The following SDAD1 variants were observed in gnomAD, a reference collection of about 807,000 sequenced individuals.
SDAD1 encodes the protein SDA1 domain containing 1.
Under a neutral mutation model 100.3 loss-of-function variants are expected in SDAD1, and 79 were observed. The ratio of observed to expected loss-of-function variants is 0.79; its 90% CI spans 0.66 to 0.95. The LOEUF (loss-of-function observed/expected upper bound fraction) is 0.95. Among genes scored for constraint, SDAD1 ranks in the 40% least tolerant of loss-of-function variants. The probability of loss-of-function intolerance (pLI) is 0.00; values close to 1 mark genes in which losing one functional copy is unlikely to be tolerated. For missense variants in SDAD1, 790 were observed against 810.9 expected (o/e 0.97, Z 0.31); for synonymous variants, 267 against 271.4 (o/e 0.98, Z 0.16).
intron 1 of SDAD1, among the ~76,000 whole-genome samples, chr4:75,984,778 A>AAAACACACACACACACACAAACAC (rs1730780809): frequency 7.3e-6 from 1 of 136,928 alleles, no homozygotes; most frequent in Non-Finnish European, 1.6e-5. Context: ...CACACACACA[A>AAAACACACACACACACACAAACAC]ACACACACAC....
chr4:75,952,011 T>C (rs1181105333), intron 21 of SDAD1, among the ~76,000 whole-genome samples: 1 of 152,232 alleles, frequency 6.6e-6, no homozygotes, highest in East Asian at 1.9e-4. Flanking sequence ...GATTTTATGA[T>C]TTCCAGTTGA....
At chr4:75,982,826 G>A (rs1730619744) in intron 1 of SDAD1, among the ~76,000 whole-genome samples, 1 of 144,688 alleles carries the variant, frequency 6.9e-6, no homozygotes, top group Non-Finnish European at 1.5e-5. Context: ...TTTAAGTTCT[G>A]GTATACATGT....
Position 75,972,290 on chromosome 4 carries a change from T to C in SDAD1, c.712-832A>G, listed in dbSNP as rs142362492. Among the ~76,000 whole-genome samples the C allele has an allele frequency of 3.2e-3, 481 of 152,126 alleles. 5 individuals carry two copies. The highest frequency in any genetic ancestry group is 0.011 in the African/African-American group (457 of 41,492). On this transcript the variant is annotated intron_variant, in intron 8 of 21. Transcript: ENST00000356260. ...GACAACCCGCTTGGGTCCCTTTCCATGCTGTGGAAGCTTTGTTCTTTCATT... is the reference window on the plus strand; with the variant it reads ...GACAACCCGCTTGGGTCCCTTTCCACGCTGTGGAAGCTTTGTTCTTTCATT...
rs1730653311 is a variant in SDAD1, at chr4:75,983,207, GT to G, written c.91-1171del. On this transcript the variant is annotated intron_variant, in intron 1 of 21. Coordinates refer to ENST00000356260, the MANE Select transcript of SDAD1 (RefSeq NM_018115.4). Reference sequence around the variant, plus strand: ...TAGTCTATCATTGATGGGCATTTGGGTTGGTTCAAAGTCTTTGCTATTGTGA... The same window carrying G: ...TAGTCTATCATTGATGGGCATTTGGGTGGTTCAAAGTCTTTGCTATTGTGA... Among the ~76,000 whole-genome samples the G allele has an allele frequency of 2.6e-5, 4 of 152,158 alleles. No homozygotes were observed. In the South Asian group the frequency reaches 8.3e-4, roughly 32 times the overall value.
chr4:75,983,159 A>G (rs1372265734), intron 1 of SDAD1, among the ~76,000 whole-genome samples: 1 of 152,126 alleles, frequency 6.6e-6, no homozygotes, highest in Non-Finnish European at 1.5e-5. Context: ...TCCATGGTAT[A>G]TATGTGCCAT....
Position 75,957,619 on chromosome 4 carries a change from G to C in SDAD1, c.1668C>G (p.Phe556Leu). 1 of 1,614,166 alleles carries C rather than the reference G, an allele frequency of 6.2e-7. No individual in the cohort carries two copies. ...TCATTTGGGCCATGCGGATTTTCTG[G>C]AAGTCTTCCTGAGTTAAAACTCGGC... ...STSRVLTQED[F>L]QKIRMAQMRK... Residue 556 changes from phenylalanine (F) to leucine (L), a missense_variant, in exon 19 of 22, where the codon TTC becomes TTG. Physicochemically the swap from Phe to Leu is conservative, Grantham distance 22. Transcript: ENST00000356260.
In SDAD1 at chr4:75,971,720, T is replaced by C. The variant is rs145611086; in HGVS notation, c.712-262A>G. ...ACTGTGTCTCTACTAAAAATACAAA[T>C]ACTTAGCTGGGCTTGGTGGTGCACA... On this transcript the variant is annotated intron_variant, in intron 8 of 21. Transcript: ENST00000356260. Among the ~76,000 whole-genome samples the C allele has an allele frequency of 1.8e-3, 279 of 151,912 alleles. 4 individuals carry two copies. The highest frequency in any genetic ancestry group is 6.6e-3 in the African/African-American group (273 of 41,432).
At chr4:75,982,783 C>T (rs1183643927) in intron 1 of SDAD1, among the ~76,000 whole-genome samples, 1 of 151,638 alleles carries the variant, frequency 6.6e-6, no homozygotes, top group Admixed American at 6.6e-5. Flanking sequence ...AAATCCCACC[C>T]CCCCACTGCC....
At chr4:75,976,052 C>CT in intron 4 of SDAD1, 57 bp from the exon 5 acceptor site, 1 of 1,126,592 alleles carries the variant, frequency 8.9e-7, no homozygotes, top group Non-Finnish European at 1.3e-6. Flanking sequence ...TTTAACCTTG[C>CT]TAAATTTGGA....
chr4:75,982,970 T>G (rs1286309536), intron 1 of SDAD1, among the ~76,000 whole-genome samples: 1 of 140,976 alleles, frequency 7.1e-6, no homozygotes, highest in Admixed American at 7.2e-5. Context: ...CAGGCCCCAA[T>G]GTGTGATGTT....
chr4:75,972,379 C>T (rs1346244282), intron 8 of SDAD1, among the ~76,000 whole-genome samples: 1 of 150,720 alleles, frequency 6.6e-6, no homozygotes, highest in South Asian at 2.1e-4. Context: ...AGCTGTAATA[C>T]TCACAGTGAA....
intron 21 of SDAD1, among the ~76,000 whole-genome samples, chr4:75,952,069 A>G (rs1257374739): frequency 2.0e-5 from 3 of 152,196 alleles, no homozygotes; most frequent in Non-Finnish European, 4.4e-5. Context: ...CTTTGCAGAA[A>G]AGCAGAAGAG....
intron 10 of SDAD1, among the ~76,000 whole-genome samples, chr4:75,969,834 C>A (rs1468716417): frequency 6.6e-6 from 1 of 152,128 alleles, no homozygotes; most frequent in African/African-American, 2.4e-5. Flanking sequence ...CCCAGCTACA[C>A]CCCATACCAA....
intron 7 of SDAD1, 96 bp downstream of exon 7, chr4:75,973,980 G>A (rs1024447323): frequency 3.0e-6 from 3 of 991,562 alleles, no homozygotes; most frequent in African/African-American, 3.2e-5. Flanking sequence ...CTGGTGTGCA[G>A]GCATGCAGTT....
In SDAD1 at chr4:75,957,932, T is replaced by A; in HGVS notation, c.1493A>T (p.Glu498Val). The stretch of plus-strand genomic sequence containing the variant: ...CTCCTCCTCACTGAGACTGGTACTT[T>A]CCCATCCATCTGCGTGAAAAAAGCA... ...ENAENDEDGW[E>V]STSLSEEEDA... is the part of the protein sequence containing the mutation. The change falls in exon 18 of 22, where the codon GAA becomes GTA. Residue 498 changes from glutamate (E) to valine (V), a missense_variant. Physicochemically the swap from Glu to Val is moderately radical, Grantham distance 121. Transcript: ENST00000356260. 6.2e-7 allele frequency: 1 copy of A among 1,612,648 alleles called. No homozygotes were observed. Among genetic ancestry groups the A allele is most frequent in the South Asian group, 1.1e-5 (1 of 91,010 alleles).
intron 21 of SDAD1, among the ~76,000 whole-genome samples, chr4:75,951,583 T>C (rs1266110999): frequency 6.6e-6 from 1 of 152,160 alleles, no homozygotes; most frequent in Non-Finnish European, 1.5e-5. Context: ...TAGGCTTTCA[T>C]CTCCTGGAGT....
intron 14 of SDAD1, 34 bp from the exon 15 acceptor site, chr4:75,961,342 G>T (rs776149205): frequency 4.0e-6 from 6 of 1,483,536 alleles, no homozygotes; most frequent in Non-Finnish European, 5.6e-6. Flanking sequence ...AAAAGAGCCC[G>T]AATAGCAATT....
At chr4:75,965,079 C>T (rs1282255704) in intron 13 of SDAD1, among the ~76,000 whole-genome samples, 1 of 152,154 alleles carries the variant, frequency 6.6e-6, no homozygotes, top group Non-Finnish European at 1.5e-5. Flanking sequence ...TATTTCTCTT[C>T]TTTCAAAAGC....
At chr4:75,963,874 G>A (rs1729390129) in intron 14 of SDAD1, among the ~76,000 whole-genome samples, 3 of 152,138 alleles carry the variant, frequency 2.0e-5, no homozygotes, top group African/African-American at 7.2e-5. Flanking sequence ...CACTTAGTTT[G>A]CTAATCAATT....
Sources: gnomAD v4.1 joint callset for allele counts (sites outside exome capture counted in the v4.1 genomes callset) on GRCh38, gnomAD v4.1.1 for gene constraint, MANE v1.5 for transcripts, NCBI Gene and HGNC (gene_info 2026-07-23, HGNC 2026-07-21) for gene names.